Variants in MAPK9 observed in about 807,000 individuals in gnomAD.
MAPK9 encodes mitogen-activated protein kinase 9.
MAPK9 carries 30 observed loss-of-function variants against 57.1 expected under a neutral mutation model. The observed-to-expected ratio is 0.53, with a 90% CI of 0.39 to 0.71. MAPK9 has a LOEUF of 0.71. Among genes scored for constraint, MAPK9 ranks in the 30% least tolerant of loss-of-function variants. The pLI, the probability that MAPK9 is intolerant of heterozygous loss-of-function variation, is 0.00. For synonymous variants in MAPK9, 155 were observed against 177.0 expected, an observed-to-expected ratio of 0.88 and a Z score of 0.99; for missense variants, 362 against 521.0, an observed-to-expected ratio of 0.69 and a Z score of 2.97.
chr5:180,290,768 A>C (rs1763158687), intron 1 of MAPK9, among the ~76,000 whole-genome samples: 1 of 152,266 alleles, frequency 6.6e-6, no homozygotes, highest in South Asian at 2.1e-4. Flanking sequence ...GACAACAGGC[A>C]GGCTGGGCCA....
intron 5 of MAPK9, among the ~76,000 whole-genome samples, chr5:180,258,990 C>T (rs1311647242): frequency 6.7e-6 from 1 of 150,180 alleles, no homozygotes; most frequent in Non-Finnish European, 1.5e-5. Flanking sequence ...GCCAAGATCA[C>T]ACCACTGCAC....
At chr5:180,240,105 T>A in intron 9 of MAPK9, 118 bp from the exon 10 acceptor site, 2 of 709,960 alleles carry the variant, frequency 2.8e-6, no homozygotes, top group Non-Finnish European at 2.4e-6. Flanking sequence ...TTTAGTTTAA[T>A]TCAACACGTG....
chr5:180,285,997 G>A (rs1290734488), intron 1 of MAPK9, among the ~76,000 whole-genome samples: 5 of 148,552 alleles, frequency 3.4e-5, no homozygotes, highest in South Asian at 2.2e-4. Flanking sequence ...GGAGAATGGC[G>A]TGAACCTGGG....
intron 5 of MAPK9, chr5:180,257,552 C>T (rs1759419864): frequency 6.6e-6 from 1 of 152,252 alleles, no homozygotes; most frequent in Admixed American, 6.5e-5. Flanking sequence ...TAGTCTCACT[C>T]AGTATTTTAA....
intron 2 of MAPK9, among the ~76,000 whole-genome samples, chr5:180,276,852 AAAAAT>A (rs1468548352): frequency 1.3e-5 from 2 of 152,266 alleles, no homozygotes; most frequent in African/African-American, 4.8e-5. Context: ...ACTCCGTCTC[AAAAAT>A]AAAATAAAAT....
At chr5:180,277,345 C>T (rs911177529) in intron 2 of MAPK9, among the ~76,000 whole-genome samples, 1 of 152,164 alleles carries the variant, frequency 6.6e-6, no homozygotes, top group African/African-American at 2.4e-5. Context: ...TGCTCCCTGC[C>T]TCTCTCAGCT....
chr5:180,262,238 G>A (rs543301891), intron 4 of MAPK9, among the ~76,000 whole-genome samples: 14 of 152,140 alleles, frequency 9.2e-5, no homozygotes, highest in South Asian at 6.2e-4. Context: ...AGTACCTCCC[G>A]CTCAATTTTG....
chr5:180,235,286 GA>G lies in MAPK9; in HGVS notation c.*1097del, dbSNP rs1211391910. ...AGGCATCTGAATCAGCCTGGCCTCT[GA>G]AAACAGACCAAAGAGGAGTTTATCT... On this transcript the variant is annotated 3_prime_UTR_variant, in exon 12 of 12. Coordinates refer to ENST00000452135, the MANE Select transcript of MAPK9 (RefSeq NM_002752.5). 1 of 152,164 alleles carries G rather than the reference GA, an allele frequency of 6.6e-6. No homozygotes were observed. Among genetic ancestry groups the G allele is most frequent in the Non-Finnish European group, 1.5e-5 (1 of 68,048 alleles). The allele number at this position is 152,164 out of a possible 1,614,324, so 9.4% of individuals were successfully genotyped here. A position where few individuals can be genotyped will look rare whatever the true frequency, so the allele number is the denominator to read the frequency against.
At chr5:180,238,608 C>CTTTTTTTTTTTTTTTTTTTTTT (rs746336177) in intron 10 of MAPK9, among the ~76,000 whole-genome samples, 2 of 85,166 alleles carry the variant, frequency 2.3e-5, no homozygotes, top group African/African-American at 5.3e-5. Flanking sequence ...TCTTCTTCTT[C>CTTTTTTTTTTTTTTTTTTTTTT]TTTTTTTTTT....
intron 5 of MAPK9, chr5:180,258,097 T>G (rs1759486469): frequency 6.6e-6 from 1 of 152,292 alleles, no homozygotes; most frequent in Non-Finnish European, 1.5e-5. Flanking sequence ...GTTTCTCTAT[T>G]TACTTCAAAG....
At chr5:180,248,234 C>A (rs1427627415) in intron 6 of MAPK9, among the ~76,000 whole-genome samples, 1 of 152,208 alleles carries the variant, frequency 6.6e-6, no homozygotes, top group Non-Finnish European at 1.5e-5. Flanking sequence ...TCTAAGTGCC[C>A]TGCTGGCGGG....
chr5:180,253,369 G>A (rs1199647822), intron 5 of MAPK9: 1 of 152,602 alleles, frequency 6.6e-6, no homozygotes, highest in Non-Finnish European at 1.5e-5. Context: ...ACGCTACAGG[G>A]ACAGGAAGCT....
intron 7 of MAPK9, among the ~76,000 whole-genome samples, chr5:180,245,623 C>T (rs1317576960): frequency 6.6e-6 from 1 of 152,078 alleles, no homozygotes; most frequent in African/African-American, 2.4e-5. Context: ...CCCAGTGGAC[C>T]CTGTTGTCTA....
At chr5:180,260,755 T>C (rs1759858620) in intron 5 of MAPK9, among the ~76,000 whole-genome samples, 3 of 152,242 alleles carry the variant, frequency 2.0e-5, no homozygotes, top group African/African-American at 7.2e-5. Flanking sequence ...AATTGTTCTG[T>C]AATATGTCAT....
At position 180,280,622 on chromosome 5, in the gene MAPK9, C is replaced by A; in HGVS notation, c.-47-14G>T. 1 of 1,585,590 alleles carries A rather than the reference C, an allele frequency of 6.3e-7. No homozygotes were observed. Among genetic ancestry groups the A allele is most frequent in the African/African-American group, 1.3e-5 (1 of 74,148 alleles). On this transcript the variant is annotated splice_polypyrimidine_tract_variant and intron_variant, in intron 1 of 11. Coordinates refer to ENST00000452135, the MANE Select transcript of MAPK9 (RefSeq NM_002752.5). The stretch of plus-strand genomic sequence containing the variant: ...AGTTTCAGATCCCTTCAAAGAAAAA[C>A]AGAATGAACGTGCATTCTTACCGGA...
chr5:180,242,827 A>G (rs1757772378), intron 7 of MAPK9, 72 bp from the exon 8 acceptor site: 2 of 1,246,018 alleles, frequency 1.6e-6, no homozygotes, highest in Admixed American at 4.4e-5. Context: ...CATCACTTGA[A>G]TAATATTTAA....
At chr5:180,255,008 T>C (rs557082019) in intron 5 of MAPK9, among the ~76,000 whole-genome samples, 1 of 152,176 alleles carries the variant, frequency 6.6e-6, no homozygotes, top group Admixed American at 6.5e-5. Context: ...CACTCCAGCC[T>C]GGGCGACAGA....
intron 2 of MAPK9, among the ~76,000 whole-genome samples, chr5:180,274,720 C>T (rs1044710811): frequency 2.6e-5 from 4 of 152,192 alleles, no homozygotes; most frequent in African/African-American, 7.2e-5. Context: ...CAGGCAAACC[C>T]ACCCAGGTTT....
Position 180,280,434 on chromosome 5 carries a change from A to C in MAPK9, c.122+6T>G. Reference sequence around the variant, plus strand: ...AATCCACGCTATTAAAACAGACCATACTTACCAAACAATCCCTTGGGCCCC... The same window carrying C: ...AATCCACGCTATTAAAACAGACCATCCTTACCAAACAATCCCTTGGGCCCC... On this transcript the variant is annotated splice_donor_region_variant and intron_variant, in intron 2 of 11. Coordinates refer to ENST00000452135, the MANE Select transcript of MAPK9 (RefSeq NM_002752.5). 6.2e-7 allele frequency: 1 copy of C among 1,613,840 alleles called. No homozygotes were observed. Among genetic ancestry groups the C allele is most frequent in the East Asian group, 2.2e-5 (1 of 44,884 alleles).
Sources: gnomAD v4.1 joint callset for allele counts (sites outside exome capture counted in the v4.1 genomes callset) on GRCh38, gnomAD v4.1.1 for gene constraint, MANE v1.5 for transcripts, NCBI Gene and HGNC (gene_info 2026-07-23, HGNC 2026-07-21) for gene names.